KCTD16: variants seen among roughly 807,000 people sequenced by gnomAD.
KCTD16 encodes the protein potassium channel tetramerization domain containing 16.
KCTD16 carries 13 observed loss-of-function variants against 33.2 expected under a neutral mutation model. The ratio of observed to expected loss-of-function variants is 0.39; its 90% CI spans 0.25 to 0.62. The LOEUF (loss-of-function observed/expected upper bound fraction) is 0.62, where lower values mean the gene tolerates loss of function less well. Among genes scored for constraint, KCTD16 ranks in the 20% least tolerant of loss-of-function variants. The probability of loss-of-function intolerance (pLI) is 0.50; values close to 1 mark genes in which losing one functional copy is unlikely to be tolerated. For missense variants in KCTD16, 441 were observed against 525.1 expected, an observed-to-expected ratio of 0.84 and a Z score of 1.57; for synonymous variants, 197 against 195.3, an observed-to-expected ratio of 1.01 and a Z score of -0.07.
At chr5:144,312,459 G>A (rs892437434) in intron 3 of KCTD16, among the ~76,000 whole-genome samples, 3 of 152,138 alleles carry the variant, frequency 2.0e-5, no homozygotes, top group Admixed American at 2.0e-4. Flanking sequence ...AAATTCTGGA[G>A]CTGCCTGTAC....
intron 3 of KCTD16, among the ~76,000 whole-genome samples, chr5:144,212,957 A>G (rs1301115729): frequency 6.6e-6 from 1 of 152,116 alleles, no homozygotes; most frequent in Non-Finnish European, 1.5e-5. Flanking sequence ...GATTATTTTG[A>G]AGCAAATCCC....
intron 3 of KCTD16, among the ~76,000 whole-genome samples, chr5:144,449,067 C>G (rs79195182): frequency 0.016 from 2,421 of 152,030 alleles, 59 homozygotes; most frequent in African/African-American, 0.056. Flanking sequence ...GTGTTCTTCT[C>G]TGACTTTTCT....
At chr5:144,471,004 C>T (rs114379934) in intron 3 of KCTD16, among the ~76,000 whole-genome samples, 16 of 152,066 alleles carry the variant, frequency 1.1e-4, no homozygotes, top group African/African-American at 2.2e-4. Context: ...ATGGTGAAAC[C>T]GCCTCTCTAC....
intron 3 of KCTD16, among the ~76,000 whole-genome samples, chr5:144,417,038 G>A (rs992056274): frequency 4.2e-4 from 64 of 152,184 alleles, no homozygotes; most frequent in Non-Finnish European, 1.9e-4. Flanking sequence ...CGAGATTTAG[G>A]CTACTTCTAC....
At chr5:144,283,019 A>G (rs1755648127) in intron 3 of KCTD16, among the ~76,000 whole-genome samples, 1 of 152,076 alleles carries the variant, frequency 6.6e-6, no homozygotes, top group Admixed American at 6.6e-5. Flanking sequence ...TACCCTGGCC[A>G]CTGAAAGAGG....
chr5:144,352,322 C>T (rs750075750), intron 3 of KCTD16, among the ~76,000 whole-genome samples: 1 of 152,002 alleles, frequency 6.6e-6, no homozygotes, highest in Admixed American at 6.6e-5. Flanking sequence ...ATGAAGAAAC[C>T]GCAGGTGATA....
intron 3 of KCTD16, among the ~76,000 whole-genome samples, chr5:144,408,758 A>G (rs1159627695): frequency 1.3e-5 from 2 of 152,034 alleles, no homozygotes; most frequent in East Asian, 1.9e-4. Context: ...ACTTTATATG[A>G]TTATCCTCTT....
chr5:144,343,494 C>G (rs553697214), intron 3 of KCTD16, among the ~76,000 whole-genome samples: 1 of 152,036 alleles, frequency 6.6e-6, no homozygotes, highest in South Asian at 2.1e-4. Context: ...GTTTTGCTAG[C>G]GGTCTATCAA....
chr5:144,337,209 C>T (rs984833620), intron 3 of KCTD16, among the ~76,000 whole-genome samples: 5 of 151,620 alleles, frequency 3.3e-5, no homozygotes, highest in South Asian at 2.1e-4. Context: ...TTTTGCGTTG[C>T]GTGCTGTAGA....
intron 3 of KCTD16, among the ~76,000 whole-genome samples, chr5:144,290,890 T>C (rs1377932667): frequency 1.3e-5 from 2 of 152,226 alleles, no homozygotes; most frequent in Non-Finnish European, 1.5e-5. Flanking sequence ...AATGTAGTTA[T>C]ACAGAATTAT....
chr5:144,368,112 C>T (rs1162011011), intron 3 of KCTD16, among the ~76,000 whole-genome samples: 1 of 151,904 alleles, frequency 6.6e-6, no homozygotes, highest in Non-Finnish European at 1.5e-5. Context: ...TAGAGGAGCC[C>T]ATGAACAATA....
At chr5:144,261,517 CAA>C (rs1755010765) in intron 3 of KCTD16, among the ~76,000 whole-genome samples, 1 of 152,210 alleles carries the variant, frequency 6.6e-6, no homozygotes, top group Admixed American at 6.5e-5. Context: ...CCAGATATTT[CAA>C]AGTGTTTTTA....
chr5:144,293,556 T>A (rs968915347), intron 3 of KCTD16, among the ~76,000 whole-genome samples: 1 of 152,234 alleles, frequency 6.6e-6, no homozygotes, highest in East Asian at 1.9e-4. Context: ...TTTTAAAATA[T>A]CTTATAATTT....
At chr5:144,468,664 A>G (rs1046013661) in intron 3 of KCTD16, among the ~76,000 whole-genome samples, 7 of 152,212 alleles carry the variant, frequency 4.6e-5, no homozygotes, top group Non-Finnish European at 1.5e-5. Flanking sequence ...GATACCAAGA[A>G]AGCCTTTCAG....
At chr5:144,390,936 T>C (rs1350456173) in intron 3 of KCTD16, among the ~76,000 whole-genome samples, 1 of 152,144 alleles carries the variant, frequency 6.6e-6, no homozygotes, top group African/African-American at 2.4e-5. Context: ...AGGGCATGAA[T>C]GTGATATTTG....
rs1016664542 is a variant in KCTD16 at position 144,483,313 on chromosome 5, A to G, written c.*9199A>G. 1 of 151,814 alleles carries G rather than the reference A, an allele frequency of 6.6e-6. No individual in the cohort carries two copies. Among genetic ancestry groups the G allele is most frequent in the Non-Finnish European group, 1.5e-5 (1 of 67,878 alleles). The allele number at this position is 151,814 out of a possible 1,614,324, so 9.4% of individuals were successfully genotyped here. The stretch of plus-strand genomic sequence containing the variant: ...AATTTATTATATCCTGGTTAATTTC[A>G]CTTTATCACTGATGAGGGTTCCTGT... On this transcript the variant is annotated 3_prime_UTR_variant, in exon 4 of 4. Coordinates refer to ENST00000512467, the MANE Select transcript of KCTD16 (RefSeq NM_020768.4).
intron 3 of KCTD16, among the ~76,000 whole-genome samples, chr5:144,458,080 C>A (rs1442375256): frequency 6.6e-6 from 1 of 152,144 alleles, no homozygotes; most frequent in Non-Finnish European, 1.5e-5. Flanking sequence ...CCTTAAGAAA[C>A]TGGAAGTCTA....
At chr5:144,349,916 C>T (rs548592811) in intron 3 of KCTD16, among the ~76,000 whole-genome samples, 4 of 152,350 alleles carry the variant, frequency 2.6e-5, no homozygotes, top group Non-Finnish European at 5.9e-5. Context: ...CAAAACCACA[C>T]AGCTGCCAAT....
intron 3 of KCTD16, among the ~76,000 whole-genome samples, chr5:144,273,402 A>T (rs1367917064): frequency 6.6e-6 from 1 of 152,158 alleles, no homozygotes; most frequent in Non-Finnish European, 1.5e-5. Context: ...CAGCTGTAAA[A>T]AACAGTATGA....
Sources: allele counts gnomAD v4.1 joint callset (sites outside exome capture counted in the v4.1 genomes callset), GRCh38; gene constraint gnomAD v4.1.1; transcripts MANE v1.5; gene names NCBI Gene and HGNC (gene_info 2026-07-23, HGNC 2026-07-21).